The following CALN1 variants were observed in gnomAD, a reference collection of about 807,000 sequenced individuals.
The protein encoded by CALN1 is calcium-binding protein 8.
Under a neutral mutation model 30.6 loss-of-function variants are expected in CALN1, and 17 were observed. The ratio of observed to expected loss-of-function variants is 0.56; its 90% CI spans 0.38 to 0.83. CALN1 has a LOEUF of 0.83. Among genes scored for constraint, CALN1 ranks in the 40% least tolerant of loss-of-function variants. CALN1 has a pLI of 0.00. For missense variants in CALN1, 291 were observed against 354.9 expected (o/e 0.82, Z 1.45); for synonymous variants, 156 against 131.4 (o/e 1.19, Z -1.28).
chr7:72,143,595 C>T (rs1459505407), intron 3 of CALN1, among the ~76,000 whole-genome samples: 2 of 152,058 alleles, frequency 1.3e-5, no homozygotes, highest in Non-Finnish European at 2.9e-5. Context: ...GCAAGGCAGG[C>T]CAACATTCAA....
At chr7:72,111,998 C>G (rs964726486) in intron 3 of CALN1, among the ~76,000 whole-genome samples, 1 of 151,952 alleles carries the variant, frequency 6.6e-6, no homozygotes, top group African/African-American at 2.4e-5. Context: ...TGATCCACCC[C>G]CCTCTGCTTC....
chr7:71,810,947 G>A (rs1787917374), intron 5 of CALN1, among the ~76,000 whole-genome samples: 1 of 150,226 alleles, frequency 6.7e-6, no homozygotes, highest in Non-Finnish European at 1.5e-5. Flanking sequence ...CCAGGCTGGA[G>A]TGCAGCGGCG....
chr7:72,478,886 TC>T, the CALN1 span, among the ~76,000 whole-genome samples: 2 of 15,232 alleles, frequency 1.3e-4, no homozygotes, highest in Non-Finnish European at 4.5e-4. Flanking sequence ...ACGAACCACT[TC>T]TTTTTTTTTT....
the CALN1 span, among the ~76,000 whole-genome samples, chr7:72,480,171 C>T: frequency 2.6e-5 from 4 of 152,232 alleles, no homozygotes; most frequent in Non-Finnish European, 4.4e-5. Flanking sequence ...GTGAGAGGGC[C>T]CCTTAAGGGG....
At chr7:72,413,794 G>A (rs193039911), upstream of CALN1, among the ~76,000 whole-genome samples, 185 of 151,114 alleles carry the variant, frequency 1.2e-3, 1 homozygote, top group African/African-American at 4.0e-3. Flanking sequence ...CGCACCACTC[G>A]CAAACATTCC....
chr7:72,118,836 T>C (rs1329891538), intron 3 of CALN1, among the ~76,000 whole-genome samples: 1 of 152,172 alleles, frequency 6.6e-6, no homozygotes, highest in Non-Finnish European at 1.5e-5. Context: ...GTTCCATTTG[T>C]CTGGAATGGT....
At chr7:71,932,541 G>A (rs892040393) in intron 5 of CALN1, among the ~76,000 whole-genome samples, 2 of 152,040 alleles carry the variant, frequency 1.3e-5, no homozygotes, top group African/African-American at 4.8e-5. Flanking sequence ...GTGCCGGGCA[G>A]GGTGGCTCAC....
At chr7:72,109,668 A>T (rs1807421806) in intron 3 of CALN1, among the ~76,000 whole-genome samples, 1 of 152,206 alleles carries the variant, frequency 6.6e-6, no homozygotes, top group East Asian at 1.9e-4. Context: ...ACTCAGCTTG[A>T]GGTCATGGCA....
intron 4 of CALN1, among the ~76,000 whole-genome samples, chr7:72,084,445 G>A (rs1056137246): frequency 4.7e-5 from 7 of 148,156 alleles, no homozygotes; most frequent in Non-Finnish European, 7.4e-5. Flanking sequence ...TGCAACCTGC[G>A]CCTCCCGGGT....
At chr7:72,211,172 C>G (rs1047498408) in intron 3 of CALN1, among the ~76,000 whole-genome samples, 1 of 152,148 alleles carries the variant, frequency 6.6e-6, no homozygotes, top group Admixed American at 6.6e-5. Context: ...CCTAATTCTC[C>G]AGGCTGGCCC....
intron 3 of CALN1, among the ~76,000 whole-genome samples, chr7:72,229,238 T>C (rs1026083186): frequency 2.6e-5 from 4 of 151,976 alleles, no homozygotes; most frequent in African/African-American, 7.2e-5. Flanking sequence ...CAAAGAGACT[T>C]TGCAGATGTA....
chr7:71,929,276 C>T (rs955803615), intron 5 of CALN1, among the ~76,000 whole-genome samples: 1 of 152,172 alleles, frequency 6.6e-6, no homozygotes, highest in African/African-American at 2.4e-5. Context: ...TGCCCTCCCT[C>T]CTCCCACTCC....
At chr7:72,045,709 T>C (rs545104753) in intron 4 of CALN1, among the ~76,000 whole-genome samples, 7 of 152,162 alleles carry the variant, frequency 4.6e-5, no homozygotes, top group African/African-American at 1.7e-4. Context: ...TTTAATTTTT[T>C]CGTAGAGAGA....
intron 2 of CALN1, among the ~76,000 whole-genome samples, chr7:72,389,913 A>G (rs1008185192): frequency 3.4e-5 from 5 of 147,164 alleles, no homozygotes; most frequent in Non-Finnish European, 7.6e-5. Context: ...GGGCAACAAG[A>G]GCAAAACCCC....
the CALN1 span, among the ~76,000 whole-genome samples, chr7:72,486,071 C>G: frequency 3.3e-5 from 5 of 152,132 alleles, no homozygotes; most frequent in Admixed American, 3.3e-4. Flanking sequence ...CTACTACACA[C>G]CTAGGCTAGA....
At chr7:72,428,481 T>C (rs545736013) in intron 1 of CALN1, among the ~76,000 whole-genome samples, 3 of 151,912 alleles carry the variant, frequency 2.0e-5, no homozygotes, top group East Asian at 3.9e-4. Context: ...AGCCTCAACA[T>C]CCTGGGCTCA....
At chr7:72,320,403 C>A (rs2968535) in intron 2 of CALN1, among the ~76,000 whole-genome samples, 150,559 of 152,270 alleles carry the variant, frequency 0.99, 74,452 homozygotes, top group Middle Eastern at 1. Context: ...CACATGCTCC[C>A]GGAGTGGCTC....
chr7:72,202,073 C>T (rs927342396), intron 3 of CALN1, among the ~76,000 whole-genome samples: 2 of 152,120 alleles, frequency 1.3e-5, no homozygotes, highest in Admixed American at 6.6e-5. Flanking sequence ...TGTGAGTAAA[C>T]ATCTATAGTG....
At chr7:72,181,407 G>C (rs1374891355) in intron 3 of CALN1, among the ~76,000 whole-genome samples, 2 of 151,592 alleles carry the variant, frequency 1.3e-5, no homozygotes, top group African/African-American at 4.8e-5. Context: ...AATCCTTTCA[G>C]TGGCCTCCAG....
Sources: gnomAD v4.1 joint callset for allele counts (sites outside exome capture counted in the v4.1 genomes callset) on GRCh38, gnomAD v4.1.1 for gene constraint, MANE v1.5 for transcripts, NCBI Gene and HGNC (gene_info 2026-07-23, HGNC 2026-07-21) for gene names.